The following PGLYRP3 variants were observed in gnomAD, a reference collection of about 807,000 sequenced individuals.
PGLYRP3 encodes peptidoglycan recognition protein I alpha.
In PGLYRP3, 39 loss-of-function variants were observed where a neutral mutation model predicts 36.0. That is an observed-to-expected ratio of 1.08 (90% CI 0.84 to 1.41). PGLYRP3 has a LOEUF of 1.41. PGLYRP3 is among the 40% of genes most tolerant of loss of function. The pLI, the probability that PGLYRP3 is intolerant of heterozygous loss-of-function variation, is 0.00. For synonymous variants in PGLYRP3, 204 were observed against 172.8 expected (o/e 1.18, Z -1.42); for missense variants, 407 against 427.9 (o/e 0.95, Z 0.43).
chr1:153,310,764 C>A, intron 1 of PGLYRP3, 58 bp from the exon 2 acceptor site: 1 of 1,076,536 alleles, frequency 9.3e-7, no homozygotes, highest in Non-Finnish European at 1.4e-6. Flanking sequence ...GGAGCACCCA[C>A]CTACTATGTG....
rs1402620055 is a variant in PGLYRP3 at position 153,299,168 on chromosome 1, G to A, written c.792C>T (p.His264=). The A allele has an allele frequency of 1.2e-6, 2 of 1,614,090 alleles. No individual in the cohort carries two copies. The highest frequency in any genetic ancestry group is 1.1e-5 in the South Asian group (1 of 91,074). ...EGVGWHIQGS[H]TYGFNDIALG... is the part of the protein sequence containing the mutation. ...GGGCAATATCGTTGAATCCATAAGT[G>A]TGAGAGCCTTGGATGTGCCATCCAA... Residue 264 remains histidine (H), a synonymous_variant, in exon 7 of 8, where the codon CAC becomes CAT. Transcript: ENST00000683862.
At position 153,299,078 on chromosome 1, in the gene PGLYRP3, C is replaced by T. The variant is rs781039278; in HGVS notation, c.847+35G>A. ...CAGACATGCTGCATGGTCCTTCAAC[C>T]CCCAGCACCCCTCTACCCCATGCTC... On this transcript the variant is annotated intron_variant, in intron 7 of 7. Coordinates refer to ENST00000683862, the MANE Select transcript of PGLYRP3 (RefSeq NM_052891.3). 4 of 1,561,656 alleles carry T rather than the reference C, an allele frequency of 2.6e-6. No homozygotes were observed. In the South Asian group the frequency reaches 4.4e-5, roughly 17 times the overall value.
chr1:153,303,280 G>A (rs1042850012), intron 5 of PGLYRP3, among the ~76,000 whole-genome samples: 2 of 152,144 alleles, frequency 1.3e-5, no homozygotes, highest in Non-Finnish European at 2.9e-5. Context: ...CATCATCTGT[G>A]AGCACAAGCT....
At position 153,304,950 on chromosome 1, in the gene PGLYRP3, T is replaced by C; in HGVS notation, c.373A>G (p.Ile125Val). 6.2e-7 allele frequency: 1 copy of C among 1,612,852 alleles called. No individual in the cohort carries two copies. The highest frequency in any genetic ancestry group is 8.5e-7 in the Non-Finnish European group (1 of 1,179,296). The change falls in exon 4 of 8, where the codon ATA becomes GTA. Residue 125 changes from isoleucine (I) to valine (V), a missense_variant. Coordinates refer to ENST00000683862, the MANE Select transcript of PGLYRP3 (RefSeq NM_052891.3). ...SLGIAFFGNK[I>V]GSSPSPAALS... The stretch of plus-strand genomic sequence containing the variant: ...GTCCGCAGGGAGTGACCCTTACCTA[T>C]CTTATTGCCAAAGAAGGCGATGCCC...
rs1317774021 is a variant in PGLYRP3 at position 153,312,723 on chromosome 1, C to T, written c.-122G>A. Among the ~76,000 whole-genome samples the T allele has an allele frequency of 1.3e-5, 2 of 152,164 alleles. No individual in the cohort carries two copies. The highest frequency in any genetic ancestry group is 2.9e-5 in the Non-Finnish European group (2 of 68,026). ...TGATTGGCCAGCAGCTCCTTCCCTT[C>T]CAGACTTGGCCTCCAGGACCTGCCC... On this transcript the variant is annotated 5_prime_UTR_variant, in exon 1 of 8. Coordinates refer to ENST00000683862, the MANE Select transcript of PGLYRP3 (RefSeq NM_052891.3).
Position 153,302,580 on chromosome 1 carries a change from G to A in PGLYRP3, c.557C>T (p.Ala186Val). ...KVCPNIIKRS[A>V]WEARETHCPK... ...GCAGTGTGTCTCTCTGGCTTCCCAA[G>A]CAGATCGTTTGATGATGTTGGGGCA... Residue 186 changes from alanine (A) to valine (V), a missense_variant, in exon 6 of 8, where the codon GCT becomes GTT. Transcript: ENST00000683862. 2 of 1,614,230 alleles carry A rather than the reference G, an allele frequency of 1.2e-6. No homozygotes were observed. The highest frequency in any genetic ancestry group is 1.3e-5 in the African/African-American group (1 of 75,060).
At chr1:153,307,407 C>G in intron 2 of PGLYRP3, 140 bp from the exon 3 acceptor site, 1 of 744,878 alleles carries the variant, frequency 1.3e-6, no homozygotes, top group Non-Finnish European at 2.2e-6. Flanking sequence ...CCTTCACCAC[C>G]AAAGCCCCCT....
Position 153,307,226 on chromosome 1 carries a change from G to T in PGLYRP3, c.97C>A (p.Pro33Thr), listed in dbSNP as rs150883037. ...GTCAGCAGGGCCCTGCAGGCGAGCGGTCTTGCCCCCCACTCCTTGCGGGAG... is the reference window on the plus strand; with the variant it reads ...GTCAGCAGGGCCCTGCAGGCGAGCGTTCTTGCCCCCCACTCCTTGCGGGAG... ...IVSRKEWGAR[P>T]LACRALLTLP... Residue 33 changes from proline (P) to threonine (T), a missense_variant, in exon 3 of 8, where the codon CCG (proline) becomes ACG (threonine). Transcript: ENST00000683862. 2.6e-4 allele frequency: 416 copies of T among 1,610,346 alleles called. No individual in the cohort carries two copies. Among genetic ancestry groups the T allele is most frequent in the Non-Finnish European group, 3.4e-4 (403 of 1,178,616 alleles).
chr1:153,303,876 A>T lies in PGLYRP3; in HGVS notation c.510T>A (p.His170Gln). 1 of 1,613,388 alleles carries T rather than the reference A, an allele frequency of 6.2e-7. No individual in the cohort carries two copies. Among genetic ancestry groups the T allele is most frequent in the Non-Finnish European group, 8.5e-7 (1 of 1,179,730 alleles). ...TCTTACCCTTCCTGGGCATCACTGGATGTTGAGGGTCCAGGCAGGTCTCTT... is the reference window on the plus strand; with the variant it reads ...TCTTACCCTTCCTGGGCATCACTGGTTGTTGAGGGTCCAGGCAGGTCTCTT... ...LKEETCLDPQ[H>Q]PVMPRKVCPN... The change falls in exon 5 of 8, where the codon CAT becomes CAA. Residue 170 changes from histidine to glutamine, a missense_variant. His to Gln is a conservative substitution (Grantham distance 24, BLOSUM62 0). Coordinates refer to ENST00000683862, the MANE Select transcript of PGLYRP3 (RefSeq NM_052891.3).
chr1:153,310,836 C>T, intron 1 of PGLYRP3, 130 bp from the exon 2 acceptor site: 3 of 619,512 alleles, frequency 4.8e-6, no homozygotes, highest in Non-Finnish European at 8.6e-6. Flanking sequence ...CTGGCTCAGG[C>T]TTCTCGGGGC....
intron 3 of PGLYRP3, among the ~76,000 whole-genome samples, chr1:153,306,367 T>A (rs894835298): frequency 1.2e-4 from 19 of 152,300 alleles, no homozygotes; most frequent in Admixed American, 1.1e-3. Flanking sequence ...GGAGAAAAGG[T>A]TCTGGGCTTC....
intron 2 of PGLYRP3, among the ~76,000 whole-genome samples, chr1:153,310,385 G>C (rs1181433785): frequency 2.0e-5 from 3 of 152,094 alleles, no homozygotes; most frequent in African/African-American, 7.2e-5. Flanking sequence ...TTTCATCATG[G>C]GAGCAAATAA....
intron 6 of PGLYRP3, among the ~76,000 whole-genome samples, chr1:153,300,284 C>G (rs778563454): frequency 1.3e-5 from 2 of 152,184 alleles, no homozygotes; most frequent in Non-Finnish European, 2.9e-5. Flanking sequence ...TATCCATGTC[C>G]CAATGAGGAT....
chr1:153,300,801 C>A (rs1659572591), intron 6 of PGLYRP3, among the ~76,000 whole-genome samples: 1 of 152,244 alleles, frequency 6.6e-6, no homozygotes, highest in Non-Finnish European at 1.5e-5. Flanking sequence ...CCTTTAAAAG[C>A]TTCCCCTAGC....
In PGLYRP3 at chr1:153,307,182, G is replaced by A; in HGVS notation, c.141C>T (p.Ile47=). The A allele has an allele frequency of 1.9e-6, 3 of 1,612,324 alleles. No individual in the cohort carries two copies. Among genetic ancestry groups the A allele is most frequent in the Non-Finnish European group, 2.5e-6 (3 of 1,179,308 alleles). Reference sequence around the variant, plus strand: ...GCATCCCTGGGAGCTGGTCTGTGATGATGTAGGCCACAGGCAGGGTCAGCA... The same window carrying A: ...GCATCCCTGGGAGCTGGTCTGTGATAATGTAGGCCACAGGCAGGGTCAGCA... ...RALLTLPVAY[I]ITDQLPGMQC... The change falls in exon 3 of 8, where the codon ATC becomes ATT. Residue 47 remains isoleucine, a synonymous_variant. Transcript: ENST00000683862.
intron 2 of PGLYRP3, among the ~76,000 whole-genome samples, chr1:153,309,085 G>A (rs1012695548): frequency 2.6e-5 from 4 of 152,156 alleles, no homozygotes; most frequent in East Asian, 1.9e-4. Flanking sequence ...AAAACTAGAC[G>A]TTTTAGAGAT....
At position 153,307,064 on chromosome 1, in the gene PGLYRP3, AC is replaced by A; in HGVS notation, c.257+1del. 6.2e-7 allele frequency: 1 copy of A among 1,613,408 alleles called. No homozygotes were observed. Among genetic ancestry groups the A allele is most frequent in the East Asian group, 2.2e-5 (1 of 44,860 alleles). ...GCCTCAGGGACTTGGCTAGCCTCTTACTTGTACGCCACGTCGCACCAGCCTA... is the reference window on the plus strand; with the variant it reads ...GCCTCAGGGACTTGGCTAGCCTCTTATTGTACGCCACGTCGCACCAGCCTA... On this transcript the variant is annotated splice_donor_variant, in intron 3 of 7. Coordinates refer to ENST00000683862, the MANE Select transcript of PGLYRP3 (RefSeq NM_052891.3). LOFTEE classifies it high-confidence loss of function.
chr1:153,308,470 G>T (rs1659811961), intron 2 of PGLYRP3, among the ~76,000 whole-genome samples: 1 of 152,116 alleles, frequency 6.6e-6, no homozygotes. Context: ...AAACATTTCT[G>T]ACCACTTAAG....
At chr1:153,304,870 G>T in intron 4 of PGLYRP3, 77 bp downstream of exon 4, 1 of 1,041,074 alleles carries the variant, frequency 9.6e-7, no homozygotes, top group South Asian at 1.6e-5. Context: ...GTAAAAAGAT[G>T]AGTGTTGACC....
Sources: allele counts gnomAD v4.1 joint callset (sites outside exome capture counted in the v4.1 genomes callset), GRCh38; gene constraint gnomAD v4.1.1; transcripts MANE v1.5; gene names NCBI Gene and HGNC (gene_info 2026-07-23, HGNC 2026-07-21).